Variants in SDK1 observed in about 807,000 individuals in gnomAD.
The protein encoded by SDK1 is sidekick cell adhesion molecule 1, also known as protein sidekick-1.
SDK1 carries 157 observed loss-of-function variants against 245.5 expected under a neutral mutation model. That is an observed-to-expected ratio of 0.64 (90% confidence interval 0.56 to 0.73). SDK1 has a LOEUF of 0.73. Among genes scored for constraint, SDK1 ranks in the 30% least tolerant of loss-of-function variants. SDK1 has a pLI of 0.00. For synonymous variants in SDK1, 1,647 were observed against 1,278.5 expected (o/e 1.29, Z -6.15); for missense variants, 3,583 against 3,002.3 (o/e 1.19, Z -4.52).
chr7:4,087,363 T>G (rs1370273354), intron 22 of SDK1, among the ~76,000 whole-genome samples: 3 of 152,204 alleles, frequency 2.0e-5, no homozygotes, highest in African/African-American at 7.2e-5. Flanking sequence ...TCTATTAGCC[T>G]GGTTATTCAT....
At chr7:3,490,297 T>C (rs2128604884) in intron 1 of SDK1, among the ~76,000 whole-genome samples, 1 of 152,344 alleles carries the variant, frequency 6.6e-6, no homozygotes, top group Admixed American at 6.5e-5. Context: ...CTGATACCAA[T>C]TAGCCGAAGA....
intron 1 of SDK1, among the ~76,000 whole-genome samples, chr7:3,317,203 AAAAAAG>A (rs1411018343): frequency 3.3e-5 from 5 of 151,202 alleles, no homozygotes; most frequent in African/African-American, 9.7e-5. Flanking sequence ...AAAAAAAAAA[AAAAAAG>A]GCTATCATGG....
intron 4 of SDK1, among the ~76,000 whole-genome samples, chr7:3,694,182 A>G (rs868677415): frequency 6.6e-6 from 1 of 152,192 alleles, no homozygotes; most frequent in African/African-American, 2.4e-5. Flanking sequence ...TCAGTCTCCA[A>G]ACTCGTATAG....
chr7:3,446,117 C>G (rs549928770), intron 1 of SDK1, among the ~76,000 whole-genome samples: 5 of 152,192 alleles, frequency 3.3e-5, no homozygotes, highest in African/African-American at 1.2e-4. Context: ...GAAATTCTGT[C>G]ATTTGAGTTG....
chr7:3,699,296 A>C (rs945662008), intron 4 of SDK1, among the ~76,000 whole-genome samples: 2 of 152,214 alleles, frequency 1.3e-5, no homozygotes, highest in African/African-American at 4.8e-5. Context: ...CAACAAGATG[A>C]TACAGATGTT....
chr7:3,539,005 C>T (rs1322675008), intron 1 of SDK1, among the ~76,000 whole-genome samples: 1 of 152,212 alleles, frequency 6.6e-6, no homozygotes, highest in Non-Finnish European at 1.5e-5. Flanking sequence ...CAGTCACTAA[C>T]TAGTGTGGCT....
At chr7:3,571,184 A>G (rs1349159559) in intron 1 of SDK1, among the ~76,000 whole-genome samples, 2 of 152,086 alleles carry the variant, frequency 1.3e-5, no homozygotes, top group African/African-American at 2.4e-5. Flanking sequence ...TAATAGCTGA[A>G]CTGCGTAAAT....
At chr7:4,005,294 C>A (rs923064425) in intron 14 of SDK1, among the ~76,000 whole-genome samples, 1 of 151,904 alleles carries the variant, frequency 6.6e-6, no homozygotes, top group Non-Finnish European at 1.5e-5. Flanking sequence ...ATCCACCTGC[C>A]TCGGCCTCCC....
At chr7:3,572,829 T>C (rs1340669974) in intron 1 of SDK1, among the ~76,000 whole-genome samples, 5 of 151,850 alleles carry the variant, frequency 3.3e-5, no homozygotes. Context: ...TGGTGAAAAA[T>C]AGAGGGTGCT....
At chr7:3,554,600 C>T (rs1020279298) in intron 1 of SDK1, among the ~76,000 whole-genome samples, 1 of 152,190 alleles carries the variant, frequency 6.6e-6, no homozygotes, top group Non-Finnish European at 1.5e-5. Context: ...AACCAAGAAT[C>T]AGGTGAGCAA....
intron 4 of SDK1, among the ~76,000 whole-genome samples, chr7:3,783,387 G>A (rs1440840502): frequency 6.6e-6 from 1 of 151,682 alleles, no homozygotes; most frequent in East Asian, 1.9e-4. Flanking sequence ...TAAATAGAAG[G>A]CATCGTAATA....
chr7:4,117,598 C>T (rs1378135546), intron 25 of SDK1, among the ~76,000 whole-genome samples: 2 of 152,208 alleles, frequency 1.3e-5, no homozygotes, highest in African/African-American at 2.4e-5. Context: ...GCCGCAGCTG[C>T]CCTGGGTGGG....
rs570080024 is a variant in SDK1, at chr7:4,258,663, T to C, written c.6382-6461T>C. On this transcript the variant is annotated intron_variant, in intron 44 of 44. Coordinates refer to ENST00000404826, the MANE Select transcript of SDK1 (RefSeq NM_152744.4). ...AGAAGGTCACTTGCATTTGTGGATGTTGATTGTTTCAGACCCAAGACGAGG... is the reference window on the plus strand; with the variant it reads ...AGAAGGTCACTTGCATTTGTGGATGCTGATTGTTTCAGACCCAAGACGAGG... 9.2e-5 allele frequency among the ~76,000 whole-genome samples: 14 copies of C among 152,308 alleles called. No individual in the cohort carries two copies. The East Asian group carries it at 2.7e-3, about 29-fold the overall frequency.
chr7:4,213,255 T>TA (rs1388243537), intron 38 of SDK1, among the ~76,000 whole-genome samples: 28 of 151,968 alleles, frequency 1.8e-4, no homozygotes, highest in African/African-American at 6.8e-4. Context: ...CTACTAAAAA[T>TA]ACAAAAAATT....
At position 4,205,066 on chromosome 7, in the gene SDK1, C is replaced by A. The variant is rs1784140236; in HGVS notation, c.5099-813C>A. ...CCTTTGGTTTGCGTGTGCCATGCAG[C>A]CCTGCAGACGCAGACAGCACCCCAG... On this transcript the variant is annotated intron_variant, in intron 35 of 44. Coordinates refer to ENST00000404826, the MANE Select transcript of SDK1 (RefSeq NM_152744.4). Among the ~76,000 whole-genome samples, 3 of 152,214 alleles carry A rather than the reference C, an allele frequency of 2.0e-5. No homozygotes were observed. In the South Asian group the frequency reaches 6.2e-4, roughly 31 times the overall value.
chr7:3,645,006 T>C (rs1276610319), intron 4 of SDK1, among the ~76,000 whole-genome samples: 1 of 152,052 alleles, frequency 6.6e-6, no homozygotes, highest in Non-Finnish European at 1.5e-5. Flanking sequence ...GGCAGCAAAA[T>C]TCATGGTGGA....
intron 44 of SDK1, among the ~76,000 whole-genome samples, chr7:4,257,438 A>G (rs1787703567): frequency 6.6e-6 from 1 of 152,196 alleles, no homozygotes; most frequent in Non-Finnish European, 1.5e-5. Context: ...ATTCTAACTC[A>G]CTAAAATACA....
At chr7:3,746,281 C>T (rs1227278108) in intron 4 of SDK1, among the ~76,000 whole-genome samples, 1 of 152,180 alleles carries the variant, frequency 6.6e-6, no homozygotes, top group Non-Finnish European at 1.5e-5. Context: ...ATAGCAATCA[C>T]CTGAGCCTTC....
intron 1 of SDK1, among the ~76,000 whole-genome samples, chr7:3,340,302 A>G (rs1780312077): frequency 6.6e-6 from 1 of 152,162 alleles, no homozygotes. Context: ...TATAAAAGTT[A>G]CATTTACTCT....
Sources: allele counts gnomAD v4.1 joint callset (sites outside exome capture counted in the v4.1 genomes callset), GRCh38; gene constraint gnomAD v4.1.1; transcripts MANE v1.5; gene names NCBI Gene and HGNC (gene_info 2026-07-23, HGNC 2026-07-21).